Variants in SLIT3 observed in about 807,000 individuals in gnomAD.
The protein encoded by SLIT3 is slit homolog 3 protein.
A neutral mutation model predicts 184.0 loss-of-function variants in SLIT3; 68 were observed. The ratio of observed to expected loss-of-function variants is 0.37; its 90% CI spans 0.30 to 0.45. SLIT3 has a LOEUF of 0.45. Among genes scored for constraint, SLIT3 ranks in the 20% least tolerant of loss-of-function variants. SLIT3 has a pLI of 1.00. For synonymous variants in SLIT3, 831 were observed against 828.6 expected, an observed-to-expected ratio of 1.00 and a Z score of -0.05; for missense variants, 1,707 against 2,026.0, an observed-to-expected ratio of 0.84 and a Z score of 3.02.
At position 168,749,046 on chromosome 5, in the gene SLIT3, G is replaced by T. The variant is rs190430687; in HGVS notation, c.2137+426C>A. On this transcript the variant is annotated intron_variant, in intron 19 of 35. Transcript: ENST00000519560. The stretch of plus-strand genomic sequence containing the variant: ...CTGAGTCTCATCATGATGCTGACAG[G>T]AAGACTGAGGCCAGGGCTCCCATGT... Among the ~76,000 whole-genome samples the T allele has an allele frequency of 1.9e-3, 290 of 152,308 alleles. 1 individual carries two copies. The highest frequency in any genetic ancestry group is 7.3e-3 in the Admixed American group (111 of 15,304).
At chr5:168,829,080 C>G (rs956590726) in intron 6 of SLIT3, among the ~76,000 whole-genome samples, 1 of 152,178 alleles carries the variant, frequency 6.6e-6, no homozygotes, top group East Asian at 1.9e-4. Flanking sequence ...CAACGTGGGG[C>G]TCTCCACTGC....
At chr5:169,180,930 A>G (rs1763132326) in intron 4 of SLIT3, among the ~76,000 whole-genome samples, 1 of 152,172 alleles carries the variant, frequency 6.6e-6, no homozygotes, top group South Asian at 2.1e-4. Flanking sequence ...AAAGTCCCTG[A>G]AGGTCTCAGT....
At chr5:168,785,451 T>C (rs1037208393) in intron 12 of SLIT3, among the ~76,000 whole-genome samples, 1 of 152,250 alleles carries the variant, frequency 6.6e-6, no homozygotes, top group Non-Finnish European at 1.5e-5. Flanking sequence ...TGACTGATTA[T>C]GCTCCTCTCG....
At chr5:168,832,267 T>G (rs1581126951) in intron 6 of SLIT3, among the ~76,000 whole-genome samples, 1 of 152,006 alleles carries the variant, frequency 6.6e-6, no homozygotes, top group Non-Finnish European at 1.5e-5. Context: ...ACTGGACAGG[T>G]GAGTTTGCAG....
intron 1 of SLIT3, among the ~76,000 whole-genome samples, chr5:169,276,241 G>A (rs1766801283): frequency 6.6e-6 from 1 of 152,170 alleles, no homozygotes; most frequent in Non-Finnish European, 1.5e-5. Flanking sequence ...AGGCCAAATT[G>A]TGGTCTTCTT....
rs75979002 is a variant in SLIT3, at chr5:168,937,880, ATT to A, written c.414-54546_414-54545del. Among the ~76,000 whole-genome samples, 955 of 147,012 alleles carry A rather than the reference ATT, an allele frequency of 6.5e-3. 10 individuals are homozygous for A. The highest frequency in any genetic ancestry group is 0.02 in the African/African-American group (797 of 40,814). ...ACGATAGCAATTATAATCATTATGC[ATT>A]TTTTTTTTTTCCCAAAGCAAACCCT... On this transcript the variant is annotated intron_variant, in intron 4 of 35. Coordinates refer to ENST00000519560, the MANE Select transcript of SLIT3 (RefSeq NM_003062.4).
chr5:169,287,778 C>T (rs1169353158), intron 1 of SLIT3, among the ~76,000 whole-genome samples: 1 of 152,120 alleles, frequency 6.6e-6, no homozygotes, highest in Non-Finnish European at 1.5e-5. Flanking sequence ...TTTCTCAGGG[C>T]GGTTGCAAGC....
chr5:168,966,239 G>A (rs1763187142), intron 4 of SLIT3, among the ~76,000 whole-genome samples: 1 of 152,126 alleles, frequency 6.6e-6, no homozygotes, highest in South Asian at 2.1e-4. Context: ...TCTTATCTGT[G>A]CCATGTATGT....
At chr5:168,737,583 C>A (rs1442461052) in intron 20 of SLIT3, among the ~76,000 whole-genome samples, 1 of 152,204 alleles carries the variant, frequency 6.6e-6, no homozygotes, top group Non-Finnish European at 1.5e-5. Context: ...TCATCCTTCC[C>A]CCCTCTTTTC....
intron 4 of SLIT3, among the ~76,000 whole-genome samples, chr5:169,105,776 G>A (rs1760180985): frequency 6.6e-6 from 1 of 152,162 alleles, no homozygotes; most frequent in Non-Finnish European, 1.5e-5. Flanking sequence ...TTCCTGCAAA[G>A]GACATCATCT....
intron 5 of SLIT3, among the ~76,000 whole-genome samples, chr5:168,879,080 A>C (rs1759852233): frequency 6.6e-6 from 1 of 152,206 alleles, no homozygotes; most frequent in African/African-American, 2.4e-5. Flanking sequence ...AAAACTACAA[A>C]ATTATTTTTT....
intron 26 of SLIT3, among the ~76,000 whole-genome samples, chr5:168,704,272 T>C (rs1468090473): frequency 7.2e-6 from 1 of 138,784 alleles, no homozygotes; most frequent in Non-Finnish European, 1.5e-5. Context: ...CCAACAGATA[T>C]ATTTTTTCCC....
At chr5:168,770,999 C>T (rs1353398294) in intron 14 of SLIT3, among the ~76,000 whole-genome samples, 1 of 152,104 alleles carries the variant, frequency 6.6e-6, no homozygotes, top group African/African-American at 2.4e-5. Context: ...CTGTGCCACG[C>T]AGGGCCGCCA....
At chr5:169,209,174 T>A (rs1764170025) in intron 3 of SLIT3, among the ~76,000 whole-genome samples, 1 of 152,174 alleles carries the variant, frequency 6.6e-6, no homozygotes, top group Non-Finnish European at 1.5e-5. Flanking sequence ...AAGAAGACAT[T>A]TATGCAGCCA....
chr5:169,084,446 A>T (rs1581391775), intron 4 of SLIT3, among the ~76,000 whole-genome samples: 2 of 140,050 alleles, frequency 1.4e-5, no homozygotes, highest in African/African-American at 2.7e-5. Context: ...ATGCGCCACC[A>T]TGCCCAGATT....
At chr5:169,157,433 G>A (rs1462086530) in intron 4 of SLIT3, among the ~76,000 whole-genome samples, 3 of 152,166 alleles carry the variant, frequency 2.0e-5, no homozygotes, top group Admixed American at 6.5e-5. Context: ...GACACCAAGT[G>A]AAGAGCTGAA....
intron 4 of SLIT3, among the ~76,000 whole-genome samples, chr5:169,075,787 G>A (rs749770358): frequency 9.9e-5 from 15 of 152,096 alleles, no homozygotes; most frequent in Non-Finnish European, 1.3e-4. Flanking sequence ...CTTCTCTTTC[G>A]GATTTCATCT....
chr5:169,101,122 A>C (rs557849561), intron 4 of SLIT3, among the ~76,000 whole-genome samples: 14 of 152,148 alleles, frequency 9.2e-5, no homozygotes, highest in South Asian at 2.1e-4. Context: ...TAGTGTTTCC[A>C]CTTTGATGGT....
chr5:168,664,591 G>A lies in SLIT3; in HGVS notation c.*1863C>T, dbSNP rs1432683156. 3.3e-5 allele frequency: 5 copies of A among 150,694 alleles called. No individual in the cohort carries two copies. The highest frequency in any genetic ancestry group is 1.2e-4 in the African/African-American group (5 of 40,746). 9.3% of individuals were successfully genotyped at this position (150,694 alleles called of 1,614,324 possible). A position where few individuals can be genotyped will look rare whatever the true frequency, so the allele number is the denominator to read the frequency against. ...TCTTTCTCCCTTCATTATTCCCTGC[G>A]TCTTTGGCCCACCATTGGTACTCAC... On this transcript the variant is annotated 3_prime_UTR_variant, in exon 36 of 36. Coordinates refer to ENST00000519560, the MANE Select transcript of SLIT3 (RefSeq NM_003062.4).
Sources: gnomAD v4.1 joint callset for allele counts (sites outside exome capture counted in the v4.1 genomes callset) on GRCh38, gnomAD v4.1.1 for gene constraint, MANE v1.5 for transcripts, NCBI Gene and HGNC (gene_info 2026-07-23, HGNC 2026-07-21) for gene names.